The following PTPRK variants were observed in gnomAD, a reference collection of about 807,000 sequenced individuals.
PTPRK encodes protein tyrosine phosphatase receptor type K.
A neutral mutation model predicts 178.0 loss-of-function variants in PTPRK; 75 were observed. The observed-to-expected ratio is 0.42, with a 90% confidence interval of 0.35 to 0.51. PTPRK has a LOEUF of 0.51. Among genes scored for constraint, PTPRK ranks in the 20% least tolerant of loss-of-function variants. The pLI is 0.02. For synonymous variants in PTPRK, 637 were observed against 620.6 expected (o/e 1.03, Z -0.39); for missense variants, 1,441 against 1,797.8 (o/e 0.80, Z 3.59).
At chr6:128,329,382 AACACACAC>A (rs149088868) in intron 2 of PTPRK, among the ~76,000 whole-genome samples, 3 of 145,726 alleles carry the variant, frequency 2.1e-5, no homozygotes, top group South Asian at 2.2e-4. Flanking sequence ...TATATAGATA[AACACACAC>A]ACACACACAC....
intron 13 of PTPRK, among the ~76,000 whole-genome samples, chr6:128,029,431 G>A (rs1230549847): frequency 6.6e-6 from 1 of 151,906 alleles, no homozygotes; most frequent in African/African-American, 2.4e-5. Context: ...GGCTGAGGCA[G>A]GTGGATCATT....
At chr6:128,052,564 C>G (rs1380429609) in intron 13 of PTPRK, among the ~76,000 whole-genome samples, 1 of 152,146 alleles carries the variant, frequency 6.6e-6, no homozygotes, top group Non-Finnish European at 1.5e-5. Context: ...GGATATACAT[C>G]TTTGGTTGGA....
chr6:128,347,917 T>C (rs1263258067), intron 2 of PTPRK, among the ~76,000 whole-genome samples: 2 of 152,082 alleles, frequency 1.3e-5, no homozygotes, highest in Non-Finnish European at 2.9e-5. Context: ...CGATTTTATT[T>C]TTGTTCATAA....
intron 1 of PTPRK, among the ~76,000 whole-genome samples, chr6:128,463,711 C>A (rs955387899): frequency 6.9e-6 from 1 of 144,840 alleles, no homozygotes; most frequent in Non-Finnish European, 1.5e-5. Context: ...CAAAATAATT[C>A]AGCCTTCTCT....
chr6:128,365,227 T>G (rs1835319453), intron 2 of PTPRK, among the ~76,000 whole-genome samples: 1 of 152,026 alleles, frequency 6.6e-6, no homozygotes, highest in Non-Finnish European at 1.5e-5. Context: ...TAGGCCAAAT[T>G]CAGGCTTTTG....
chr6:128,411,046 G>A (rs185372512), intron 1 of PTPRK, among the ~76,000 whole-genome samples: 33 of 152,190 alleles, frequency 2.2e-4, no homozygotes, highest in African/African-American at 4.6e-4. Context: ...TGCATGCCAC[G>A]ACGCCTGGCT....
intron 13 of PTPRK, among the ~76,000 whole-genome samples, chr6:128,047,345 C>A (rs993715602): frequency 3.3e-5 from 5 of 151,940 alleles, no homozygotes; most frequent in Non-Finnish European, 7.4e-5. Context: ...TTAGACATTC[C>A]CAGGATATAA....
intron 1 of PTPRK, among the ~76,000 whole-genome samples, chr6:128,430,472 T>C (rs1171506803): frequency 6.6e-6 from 1 of 152,190 alleles, no homozygotes; most frequent in Non-Finnish European, 1.5e-5. Context: ...TATCAAGTGT[T>C]CATTCTATAT....
chr6:128,132,204 T>G (rs898655567), intron 7 of PTPRK, among the ~76,000 whole-genome samples: 6 of 152,092 alleles, frequency 3.9e-5, no homozygotes, highest in Middle Eastern at 6.8e-3. Flanking sequence ...TGAGATGGAG[T>G]CTCACTGTCA....
intron 1 of PTPRK, among the ~76,000 whole-genome samples, chr6:128,437,778 T>A (rs1845782113): frequency 6.6e-6 from 1 of 151,626 alleles, no homozygotes. Flanking sequence ...GATGAGGGGG[T>A]GTACCGAGGT....
At chr6:128,386,737 A>C (rs918080197) in intron 2 of PTPRK, among the ~76,000 whole-genome samples, 1 of 152,154 alleles carries the variant, frequency 6.6e-6, no homozygotes, top group Non-Finnish European at 1.5e-5. Flanking sequence ...CTCCTACTAC[A>C]AGGCTCATGT....
intron 2 of PTPRK, among the ~76,000 whole-genome samples, chr6:128,393,719 A>T (rs1839922811): frequency 6.6e-6 from 1 of 152,134 alleles, no homozygotes; most frequent in African/African-American, 2.4e-5. Flanking sequence ...TGGTAAGAAA[A>T]CTAGAAGTTT....
chr6:128,158,257 T>C (rs2114592917), intron 7 of PTPRK, among the ~76,000 whole-genome samples: 1 of 151,760 alleles, frequency 6.6e-6, no homozygotes, highest in African/African-American at 2.4e-5. Context: ...CTGGGGCCTG[T>C]CGTGGGGTGG....
intron 1 of PTPRK, among the ~76,000 whole-genome samples, chr6:128,510,404 T>C (rs1856996740): frequency 6.6e-6 from 1 of 152,206 alleles, no homozygotes. Flanking sequence ...AAGATATTTC[T>C]TATAGCAACT....
chr6:128,025,403 A>G (rs1184778997), intron 13 of PTPRK, among the ~76,000 whole-genome samples: 1 of 152,250 alleles, frequency 6.6e-6, no homozygotes, highest in Non-Finnish European at 1.5e-5. Flanking sequence ...AGAATAAGTA[A>G]ACACATTTAA....
At chr6:128,438,501 A>G (rs931744100) in intron 1 of PTPRK, among the ~76,000 whole-genome samples, 2 of 152,238 alleles carry the variant, frequency 1.3e-5, no homozygotes, top group African/African-American at 2.4e-5. Context: ...AATGGAGAAG[A>G]GCCAGTCAGC....
chr6:128,496,201 CA>C (rs975532040), intron 1 of PTPRK, among the ~76,000 whole-genome samples: 10 of 152,072 alleles, frequency 6.6e-5, no homozygotes, highest in African/African-American at 2.4e-4. Context: ...GAGTGTCTTT[CA>C]AAATCTCAAG....
chr6:128,182,319 T>C (rs1418117029), intron 7 of PTPRK, among the ~76,000 whole-genome samples: 1 of 152,130 alleles, frequency 6.6e-6, no homozygotes, highest in East Asian at 1.9e-4. Flanking sequence ...CTCACAGCTG[T>C]AATTCAAGCA....
chr6:128,238,211 A>AAAAAAAAAAAAAAG, intron 5 of PTPRK: 1 of 407,568 alleles, frequency 2.5e-6, no homozygotes, highest in Non-Finnish European at 4.7e-6. Flanking sequence ...AAGAAAAGAA[A>AAAAAAAAAAAAAAG]AAAAAAAGAG....
Sources: gnomAD v4.1 joint callset for allele counts (sites outside exome capture counted in the v4.1 genomes callset) on GRCh38, gnomAD v4.1.1 for gene constraint, MANE v1.5 for transcripts, NCBI Gene and HGNC (gene_info 2026-07-23, HGNC 2026-07-21) for gene names.